CDKL5: variants seen among roughly 807,000 people sequenced by gnomAD.
CDKL5 encodes the protein cyclin-dependent kinase-like 5.
In CDKL5, 8 loss-of-function variants were observed where a neutral mutation model predicts 61.7. The ratio of observed to expected loss-of-function variants is 0.13; its 90% CI spans 0.08 to 0.23. The LOEUF (loss-of-function observed/expected upper bound fraction) is 0.23. Ranked by LOEUF, CDKL5 falls within the 10% of genes least tolerant of loss-of-function variation. The pLI, the probability that CDKL5 is intolerant of heterozygous loss-of-function variation, is 1.00. For missense variants in CDKL5, 440 were observed against 734.5 expected, an observed-to-expected ratio of 0.60 and a Z score of 4.63; for synonymous variants, 275 against 272.3, an observed-to-expected ratio of 1.01 and a Z score of -0.10.
In CDKL5 at chrX:18,633,587, G is replaced by A. The variant is rs924641314; in HGVS notation, c.*4830G>A. The stretch of plus-strand genomic sequence containing the variant: ...TGATGAAAAATTCTGTCTCAGAAAC[G>A]ATGAGTAAGAAACCATACAAGAAAA... On this transcript the variant is annotated 3_prime_UTR_variant, in exon 18 of 18. Transcript: ENST00000623535. The A allele has an allele frequency of 4.0e-5, 30 of 753,546 alleles. No individual in the cohort carries two copies. The highest frequency in any genetic ancestry group is 4.7e-5 in the Non-Finnish European group (30 of 639,273). 62.1% of individuals were successfully genotyped at this position (753,546 alleles called of 1,213,427 possible).
rs1462065653 is a variant in CDKL5, at chrX:18,631,455, A to G, written c.*2698A>G. 1.3e-6 allele frequency: 1 copy of G among 751,837 alleles called. No individual in the cohort carries two copies. Among genetic ancestry groups the G allele is most frequent in the Non-Finnish European group, 1.6e-6 (1 of 638,510 alleles). The allele number at this position is 751,837 out of a possible 1,213,427, so 62.0% of individuals were successfully genotyped here. A position where few individuals can be genotyped will look rare whatever the true frequency, so the allele number is the denominator to read the frequency against. On this transcript the variant is annotated 3_prime_UTR_variant, in exon 18 of 18. Transcript: ENST00000623535. ...ATGCAAAAGTTTTCTCTCACACCTAATGGGCCCTCTCTTAGCTTTTAACTG... is the reference window on the plus strand; with the variant it reads ...ATGCAAAAGTTTTCTCTCACACCTAGTGGGCCCTCTCTTAGCTTTTAACTG...
intron 3 of CDKL5, among the ~76,000 whole-genome samples, chrX:18,519,144 C>T (rs1384774197): frequency 1.8e-5 from 2 of 111,600 alleles, no homozygotes; most frequent in Non-Finnish European, 3.8e-5. Context: ...GAGAACCTCT[C>T]CTAGCTGTAT....
At position 18,637,258 on chromosome X, in the gene CDKL5, A is replaced by C. The variant is rs1322663657; in HGVS notation, c.*8501A>C. ...ATACAAAAATTGGGTGTGGTGGTAC[A>C]TGCCTGTAATCCCAGCTGCTTAGGA... On this transcript the variant is annotated 3_prime_UTR_variant, in exon 18 of 18. Coordinates refer to ENST00000623535, the MANE Select transcript of CDKL5 (RefSeq NM_001323289.2). 5 of 110,613 alleles carry C rather than the reference A, an allele frequency of 4.5e-5. No homozygotes were observed. The highest frequency in any genetic ancestry group is 1.6e-4 in the African/African-American group (5 of 30,314). The allele number at this position is 110,613 out of a possible 1,213,427, so 9.1% of individuals were successfully genotyped here. A position where few individuals can be genotyped will look rare whatever the true frequency, so the allele number is the denominator to read the frequency against.
chrX:18,519,474 A>G (rs184008727), intron 3 of CDKL5, among the ~76,000 whole-genome samples: 1 of 111,841 alleles, frequency 8.9e-6, no homozygotes, highest in Admixed American at 9.6e-5. Flanking sequence ...CTGAGGAATA[A>G]GGTTAATAAG....
chrX:18,520,131 G>A (rs1050989377), intron 3 of CDKL5, among the ~76,000 whole-genome samples: 2 of 111,949 alleles, frequency 1.8e-5, no homozygotes, highest in Non-Finnish European at 3.8e-5. Flanking sequence ...CCATTTTAAA[G>A]TATACAAGTA....
Position 18,496,971 on chromosome X carries a change from A to G in CDKL5, c.-162-9964A>G, listed in dbSNP as rs748904350. On this transcript the variant is annotated intron_variant, in intron 1 of 17. Coordinates refer to ENST00000623535, the MANE Select transcript of CDKL5 (RefSeq NM_001323289.2). ...CCCTTGGCCAAGAAGGAGTTTGTTC[A>G]GTCAGCTGGGGGGTTTAGGATTTTT... Among the ~76,000 whole-genome samples the G allele has an allele frequency of 1.2e-4, 13 of 108,184 alleles. No individual in the cohort carries two copies. The South Asian group carries it at 4.8e-3, about 40-fold the overall frequency. The allele number at this position is 108,184 out of a possible 115,157, so 93.9% of individuals were successfully genotyped here.
chrX:18,564,339 C>G, intron 3 of CDKL5, 138 bp from the exon 4 acceptor site: 2 of 334,278 alleles, frequency 6.0e-6, no homozygotes, highest in East Asian at 1.1e-4. Context: ...TGAGAGGTGG[C>G]GGGGGAGAGG....
In CDKL5 at chrX:18,610,412, G is replaced by A. The variant is rs774970903; in HGVS notation, c.2152+842G>A. ...ACTGAAACATTTTCTTCTCCGTTCTGTCTGTCGTACCTTGCCTGTAACTCT... is the reference window on the plus strand; with the variant it reads ...ACTGAAACATTTTCTTCTCCGTTCTATCTGTCGTACCTTGCCTGTAACTCT... On this transcript the variant is annotated intron_variant, in intron 14 of 17. Coordinates refer to ENST00000623535, the MANE Select transcript of CDKL5 (RefSeq NM_001323289.2). Among the ~76,000 whole-genome samples the A allele has an allele frequency of 1.3e-4, 15 of 112,440 alleles. No homozygotes were observed. In the South Asian group the frequency reaches 5.6e-3, roughly 42 times the overall value.
chrX:18,429,466 G>T (rs747402083), intron 1 of CDKL5, among the ~76,000 whole-genome samples: 1 of 111,607 alleles, frequency 9.0e-6, no homozygotes, highest in Admixed American at 9.6e-5. Flanking sequence ...CTATGAAGTA[G>T]GTCTTCTTAC....
At chrX:18,640,427 T>TCCCCCCCCCCCCCCCCCC (rs1300468144), downstream of CDKL5, 1 of 31,593 alleles carries the variant, frequency 3.2e-5, no homozygotes, top group East Asian at 1.2e-3. Context: ...CAGGGATAAG[T>TCCCCCCCCCCCCCCCCCC]CCCCCCACCC....
At chrX:18,566,213 G>A (rs1313351855) in intron 4 of CDKL5, among the ~76,000 whole-genome samples, 2 of 111,701 alleles carry the variant, frequency 1.8e-5, no homozygotes, top group Non-Finnish European at 1.9e-5. Flanking sequence ...GTGCAGTGGC[G>A]CAATCTTGGC....
In CDKL5 at chrX:18,517,782, A is replaced by G. The variant is rs1243153576; in HGVS notation, c.99+6928A>G. Among the ~76,000 whole-genome samples, 4 of 112,086 alleles carry G rather than the reference A, an allele frequency of 3.6e-5. No individual in the cohort carries two copies. The Admixed American group carries it at 3.8e-4, about 11-fold the overall frequency. On this transcript the variant is annotated intron_variant, in intron 3 of 17. Transcript: ENST00000623535. ...CACTTTGGGAGGCCAAGGCAGGCAG[A>G]TCACCTGAGGTCCAAGAGTTCAAGA... is the stretch of plus-strand genomic sequence containing the variant.
intron 3 of CDKL5, among the ~76,000 whole-genome samples, chrX:18,518,655 C>A (rs1010441231): frequency 9.1e-6 from 1 of 109,376 alleles, no homozygotes; most frequent in Admixed American, 9.8e-5. Flanking sequence ...CCACCCTCGG[C>A]CTCCCAGAGT....
chrX:18,479,599 G>A (rs1371164084), intron 1 of CDKL5, among the ~76,000 whole-genome samples: 5 of 110,609 alleles, frequency 4.5e-5, no homozygotes, highest in African/African-American at 9.8e-5. Context: ...GATTACAGAC[G>A]TGAGCCACCA....
chrX:18,592,605 C>G (rs1037904479), intron 9 of CDKL5, among the ~76,000 whole-genome samples: 10 of 112,476 alleles, frequency 8.9e-5, no homozygotes, highest in African/African-American at 2.9e-4. Flanking sequence ...CACACTTTGA[C>G]TTTTATAAAC....
At chrX:18,644,425 C>T (rs200074383), downstream of CDKL5, 68 of 1,209,288 alleles carry the variant, frequency 5.6e-5, no homozygotes, top group Non-Finnish European at 7.0e-5. Context: ...ATAAGCCCAA[C>T]TTACCCGGTT....
chrX:18,547,707 A>G (rs757739800), intron 3 of CDKL5, among the ~76,000 whole-genome samples: 2 of 111,934 alleles, frequency 1.8e-5, no homozygotes, highest in South Asian at 7.4e-4. Flanking sequence ...TATGATGGTG[A>G]TAAACAGTTC....
intron 1 of CDKL5, among the ~76,000 whole-genome samples, chrX:18,494,006 C>G (rs1922078700): frequency 9.0e-6 from 1 of 111,303 alleles, no homozygotes; most frequent in Non-Finnish European, 1.9e-5. Context: ...CTTCGACTTC[C>G]TGTGTTCAAA....
intron 2 of CDKL5, among the ~76,000 whole-genome samples, chrX:18,510,218 C>G (rs1343717912): frequency 9.0e-6 from 1 of 111,123 alleles, no homozygotes; most frequent in Non-Finnish European, 1.9e-5. Context: ...TGCAGTGGCG[C>G]GATCTGGACT....
Sources: gnomAD v4.1 joint callset for allele counts (sites outside exome capture counted in the v4.1 genomes callset) on GRCh38, gnomAD v4.1.1 for gene constraint, MANE v1.5 for transcripts, NCBI Gene and HGNC (gene_info 2026-07-23, HGNC 2026-07-21) for gene names.